Variants in HPS3 observed in about 807,000 individuals in gnomAD.
The protein encoded by HPS3 is BLOC-2 complex member HPS3.
A neutral mutation model predicts 110.9 loss-of-function variants in HPS3; 79 were observed. The ratio of observed to expected loss-of-function variants is 0.71; its 90% CI spans 0.59 to 0.86. The LOEUF is 0.86. Among genes scored for constraint, HPS3 ranks in the 40% least tolerant of loss-of-function variants. The pLI, the probability that HPS3 is intolerant of heterozygous loss-of-function variation, is 0.00. For missense variants in HPS3, 1,197 were observed against 1,206.2 expected, an observed-to-expected ratio of 0.99 and a Z score of 0.11; for synonymous variants, 428 against 451.0, an observed-to-expected ratio of 0.95 and a Z score of 0.65.
chr3:149,140,100 G>A lies in HPS3; in HGVS notation c.314G>A (p.Cys105Tyr). 6.2e-7 allele frequency: 1 copy of A among 1,613,308 alleles called. No homozygotes were observed. The highest frequency in any genetic ancestry group is 8.5e-7 in the Non-Finnish European group (1 of 1,179,632). Residue 105 changes from cysteine to tyrosine, a missense_variant, in exon 2 of 17, where the codon TGT (cysteine) becomes TAT (tyrosine). Physicochemically the swap from Cys to Tyr is radical, Grantham distance 194. Coordinates refer to ENST00000296051, the MANE Select transcript of HPS3 (RefSeq NM_032383.5). ...RNKRTENSRV[C>Y]IRMIGHNVEG... ...AAAAGGACTGAAAACTCTCGTGTGT[G>A]TATCCGAATGATTGGGCATAATGTG...
At chr3:149,167,011 A>G (rs779656738) in intron 14 of HPS3, 23 bp from the exon 15 acceptor site, 1 of 1,580,430 alleles carries the variant, frequency 6.3e-7, no homozygotes, top group South Asian at 1.1e-5. Context: ...TCATTTCATA[A>G]CATTTCACTT....
At chr3:149,158,553 T>G in intron 9 of HPS3, 113 bp from the exon 10 acceptor site, 1 of 1,031,630 alleles carries the variant, frequency 9.7e-7, no homozygotes, top group Non-Finnish European at 1.5e-6. Flanking sequence ...TTTGGGAGGC[T>G]GAGGTAGGAT....
At position 149,167,441 on chromosome 3, in the gene HPS3, TATC is replaced by T. The variant is rs149084608; in HGVS notation, c.2796+207_2796+209del. Among the ~76,000 whole-genome samples the T allele has an allele frequency of 0.16, 24,381 of 152,160 alleles. 2,533 individuals are homozygous for T. The highest frequency in any genetic ancestry group is 0.29 in the East Asian group (1,482 of 5,166). ...GTTAAAATATATGGAGATGGTATAT[TATC>T]ATCATTAAACATCTTTTGTTTGGAG... On this transcript the variant is annotated intron_variant, in intron 15 of 16. Transcript: ENST00000296051.
In HPS3 at chr3:149,167,007, C is replaced by T. The variant is rs758103258; in HGVS notation, c.2590-27C>T. On this transcript the variant is annotated intron_variant, in intron 14 of 16. Transcript: ENST00000296051. Reference sequence around the variant, plus strand: ...TTTTAGTTTTTGAGGTGCCTCATTTCATAACATTTCACTTTTCTGTTCATA... The same window carrying T: ...TTTTAGTTTTTGAGGTGCCTCATTTTATAACATTTCACTTTTCTGTTCATA... 6 of 1,564,924 alleles carry T rather than the reference C, an allele frequency of 3.8e-6. No homozygotes were observed. In the South Asian group the frequency reaches 6.7e-5, roughly 17 times the overall value.
chr3:149,162,964 A>G (rs1028050917), intron 13 of HPS3, 86 bp downstream of exon 13: 7 of 1,156,242 alleles, frequency 6.1e-6, no homozygotes, highest in Non-Finnish European at 7.7e-6. Flanking sequence ...TTATTATAAA[A>G]TCTAACCTAG....
At chr3:149,155,354 T>A (rs942536990) in intron 8 of HPS3, 139 bp downstream of exon 8, 6 of 665,296 alleles carry the variant, frequency 9.0e-6, no homozygotes, top group Admixed American at 2.2e-5. Flanking sequence ...GGAATGTATA[T>A]CTCTCTCTGC....
rs1724585464 is a variant in HPS3, at chr3:149,167,889, A to T, written c.2797-4A>T. Reference sequence around the variant, plus strand: ...TAAAATTTATTCATTTTTTCCTAAGATAGACTCTGTGGTGGAAAAAACTGT... The same window carrying T: ...TAAAATTTATTCATTTTTTCCTAAGTTAGACTCTGTGGTGGAAAAAACTGT... On this transcript the variant is annotated splice_polypyrimidine_tract_variant and splice_region_variant and intron_variant, in intron 15 of 16. Coordinates refer to ENST00000296051, the MANE Select transcript of HPS3 (RefSeq NM_032383.5). The T allele has an allele frequency of 1.3e-6, 2 of 1,564,534 alleles. No homozygotes were observed. The highest frequency in any genetic ancestry group is 1.8e-6 in the Non-Finnish European group (2 of 1,134,884).
intron 14 of HPS3, 89 bp from the exon 15 acceptor site, chr3:149,166,945 A>G: frequency 1.0e-6 from 1 of 988,510 alleles, no homozygotes; most frequent in Non-Finnish European, 1.6e-6. Context: ...TTGGCAAGTG[A>G]GGTTTAGTCT....
At chr3:149,168,218 T>G (rs1485473884) in intron 16 of HPS3, 9 of 473,766 alleles carry the variant, frequency 1.9e-5, no homozygotes, top group Non-Finnish European at 2.3e-5. Flanking sequence ...CTTAACAAAT[T>G]ATCACAGTCA....
In HPS3 at chr3:149,145,346, G is replaced by A. The variant is rs1722725708; in HGVS notation, c.971-8G>A. The A allele has an allele frequency of 6.3e-7, 1 of 1,599,286 alleles. No homozygotes were observed. The highest frequency in any genetic ancestry group is 8.6e-7 in the Non-Finnish European group (1 of 1,167,406). On this transcript the variant is annotated splice_polypyrimidine_tract_variant and splice_region_variant and intron_variant, in intron 4 of 16. Coordinates refer to ENST00000296051, the MANE Select transcript of HPS3 (RefSeq NM_032383.5). ...ATGGTGTTTTATTTCTTTCATTTTT[G>A]CATGCAGGTTCTCTTACATCTGATG...
At chr3:149,141,213 T>TTTTTTA (rs1553751698) in intron 3 of HPS3, 25 bp downstream of exon 3, 12 of 1,591,354 alleles carry the variant, frequency 7.5e-6, no homozygotes, top group Admixed American at 3.4e-5. Context: ...TTTTTTTTTT[T>TTTTTTA]ACCAGCATTT....
chr3:149,157,084 GTAT>G (rs1346872847), intron 8 of HPS3, among the ~76,000 whole-genome samples: 2 of 152,074 alleles, frequency 1.3e-5, no homozygotes, highest in African/African-American at 4.8e-5. Context: ...TAGTATTACA[GTAT>G]TATTTGGACC....
chr3:149,162,904 A>AT (rs759795568), intron 13 of HPS3, 26 bp downstream of exon 13: 1 of 1,564,676 alleles, frequency 6.4e-7, no homozygotes, highest in African/African-American at 1.4e-5. Flanking sequence ...AATACCTTAA[A>AT]TTTAACTCAT....
chr3:149,137,804 C>T (rs1455602450), intron 1 of HPS3, among the ~76,000 whole-genome samples: 1 of 152,026 alleles, frequency 6.6e-6, no homozygotes, highest in Non-Finnish European at 1.5e-5. Context: ...TGGTCTCACC[C>T]TGGGGAGAGG....
chr3:149,169,482 A>G (rs1724765468), intron 16 of HPS3, among the ~76,000 whole-genome samples: 1 of 152,204 alleles, frequency 6.6e-6, no homozygotes, highest in Non-Finnish European at 1.5e-5. Context: ...CATGCTTAGG[A>G]GTTTGGATTT....
At chr3:149,166,183 A>G in intron 14 of HPS3, 3 of 350,724 alleles carry the variant, frequency 8.6e-6, no homozygotes, top group Non-Finnish European at 1.7e-5. Context: ...TGCTTGAAGT[A>G]AATATTGGTA....
rs376188195 is a variant in HPS3, at chr3:149,158,746, C to T, written c.1772C>T (p.Thr591Met). Residue 591 changes from threonine (T) to methionine (M), a missense_variant, in exon 10 of 17, where the codon ACG becomes ATG. Physicochemically the swap from Thr to Met is moderately conservative, Grantham distance 81 (BLOSUM62 -1). Coordinates refer to ENST00000296051, the MANE Select transcript of HPS3 (RefSeq NM_032383.5). ...GLSMAEVLARTDWTVEDGLQK... is the reference protein window; with the variant it reads ...GLSMAEVLARMDWTVEDGLQK... ...TCTATGGCTGAAGTTCTGGCCCGCACGGACTGGACAGTAGAGGATGGATTA... is the reference window on the plus strand; with the variant it reads ...TCTATGGCTGAAGTTCTGGCCCGCATGGACTGGACAGTAGAGGATGGATTA... 5.8e-5 allele frequency: 93 copies of T among 1,612,676 alleles called. No individual in the cohort carries two copies. The East Asian group carries it at 1.0e-3, about 18-fold the overall frequency.
At chr3:149,131,138 A>AC (rs1559903313) in intron 1 of HPS3, among the ~76,000 whole-genome samples, 1 of 150,658 alleles carries the variant, frequency 6.6e-6, no homozygotes, top group Non-Finnish European at 1.5e-5. Context: ...AAAAAAAAAA[A>AC]AACAAAAAGT....
chr3:149,158,919 G>T (rs1210259960), intron 10 of HPS3, 73 bp downstream of exon 10: 5 of 1,043,358 alleles, frequency 4.8e-6, no homozygotes. Context: ...ATGTAGTACT[G>T]TTTAGAAGTC....
Sources: allele counts gnomAD v4.1 joint callset (sites outside exome capture counted in the v4.1 genomes callset), GRCh38; gene constraint gnomAD v4.1.1; transcripts MANE v1.5; gene names NCBI Gene and HGNC (gene_info 2026-07-23, HGNC 2026-07-21).